Variants in DSCAML1 observed in about 807,000 individuals in gnomAD.
DSCAML1 encodes the protein DS cell adhesion molecule like 1.
Under a neutral mutation model 200.5 loss-of-function variants are expected in DSCAML1, and 38 were observed. The observed-to-expected ratio is 0.19, with a 90% CI of 0.15 to 0.25. The LOEUF (loss-of-function observed/expected upper bound fraction) is 0.25. Among genes scored for constraint, DSCAML1 ranks in the 10% least tolerant of loss-of-function variants. The pLI is 1.00. For missense variants in DSCAML1, 2,223 were observed against 2,858.8 expected (o/e 0.78, Z 5.07); for synonymous variants, 1,215 against 1,165.0 (o/e 1.04, Z -0.87).
chr11:117,777,532 A>G (rs1209623838), intron 2 of DSCAML1, among the ~76,000 whole-genome samples: 2 of 152,178 alleles, frequency 1.3e-5, no homozygotes, highest in Non-Finnish European at 2.9e-5. Context: ...TACAAGGACA[A>G]AGGGAGAGAA....
rs545909807 is a variant in DSCAML1, at chr11:117,616,801, A to C, written c.512-84279T>G. 2.0e-5 allele frequency among the ~76,000 whole-genome samples: 3 copies of C among 152,332 alleles called. No individual in the cohort carries two copies. In the South Asian group the frequency reaches 6.2e-4, roughly 32 times the overall value. On this transcript the variant is annotated intron_variant, in intron 3 of 32. Transcript: ENST00000651296. Reference sequence around the variant, plus strand: ...TCTGTGTCCTTTGACATGTATATTAAAACATTTATTAAAATAAACATTAAA... The same window carrying C: ...TCTGTGTCCTTTGACATGTATATTACAACATTTATTAAAATAAACATTAAA...
At chr11:117,755,769 G>T (rs2054678613) in intron 3 of DSCAML1, among the ~76,000 whole-genome samples, 1 of 152,144 alleles carries the variant, frequency 6.6e-6, no homozygotes, top group Non-Finnish European at 1.5e-5. Context: ...GAGTGTTGGG[G>T]CTGACACCAT....
chr11:117,470,340 C>T (rs951625378), intron 15 of DSCAML1, among the ~76,000 whole-genome samples: 1 of 152,260 alleles, frequency 6.6e-6, no homozygotes, highest in South Asian at 2.1e-4. Context: ...CTTTGGGAGG[C>T]CAAGGCGGGC....
intron 3 of DSCAML1, among the ~76,000 whole-genome samples, chr11:117,726,388 T>C (rs893424081): frequency 9.9e-5 from 15 of 152,034 alleles, no homozygotes; most frequent in Non-Finnish European, 1.6e-4. Flanking sequence ...TGGGGCAATT[T>C]GTTGTTGTTA....
At chr11:117,481,627 C>T (rs1342186968) in intron 12 of DSCAML1, among the ~76,000 whole-genome samples, 3 of 116,058 alleles carry the variant, frequency 2.6e-5, no homozygotes, top group Admixed American at 1.8e-4. Context: ...GGGGGGAGTC[C>T]AGGAGAGTGG....
At chr11:117,499,796 T>C (rs2049361398) in intron 11 of DSCAML1, among the ~76,000 whole-genome samples, 1 of 152,174 alleles carries the variant, frequency 6.6e-6, no homozygotes, top group Non-Finnish European at 1.5e-5. Context: ...ATCAAAGATG[T>C]CCAAGGACTT....
chr11:117,465,114 G>T lies in DSCAML1; in HGVS notation c.3093C>A (p.Pro1031=). The change falls in exon 17 of 33, where the codon CCC becomes CCA. Residue 1031 remains proline (P), a synonymous_variant. Coordinates refer to ENST00000651296, the MANE Select transcript of DSCAML1 (RefSeq NM_020693.4). ...GYQIGYRENS[P]GSNGQYSIVE... ...CGATGCTGTACTGCCCGTTGCTGCC[G>T]GGGCTGTTCTCTCTGTAGCCAATCT... 1 of 1,614,074 alleles carries T rather than the reference G, an allele frequency of 6.2e-7. No individual in the cohort carries two copies. The highest frequency in any genetic ancestry group is 8.5e-7 in the Non-Finnish European group (1 of 1,180,008).
At chr11:117,783,865 T>C (rs1395787237) in intron 1 of DSCAML1, among the ~76,000 whole-genome samples, 1 of 152,000 alleles carries the variant, frequency 6.6e-6, no homozygotes, top group Non-Finnish European at 1.5e-5. Context: ...CCACTCTCCT[T>C]CTCTCCTGGA....
intron 3 of DSCAML1, among the ~76,000 whole-genome samples, chr11:117,567,309 T>G (rs1041753673): frequency 6.6e-6 from 1 of 152,148 alleles, no homozygotes; most frequent in Non-Finnish European, 1.5e-5. Flanking sequence ...TGGTTTTGAT[T>G]TGCATTTCTC....
Position 117,444,965 on chromosome 11 carries a change from G to T in DSCAML1, c.3709-926C>A, listed in dbSNP as rs1050089888. Among the ~76,000 whole-genome samples the T allele has an allele frequency of 1.2e-4, 18 of 152,188 alleles. 1 individual carries two copies. Among genetic ancestry groups the T allele is most frequent in the African/African-American group, 4.3e-4 (18 of 41,462 alleles). ...CTTTGAAAACAGAGCGGAAGTCCAGGGAGGGAGAGCAGCCCCAGAACAGAT... is the reference window on the plus strand; with the variant it reads ...CTTTGAAAACAGAGCGGAAGTCCAGTGAGGGAGAGCAGCCCCAGAACAGAT... On this transcript the variant is annotated intron_variant, in intron 20 of 32. Transcript: ENST00000651296.
Position 117,738,119 on chromosome 11 carries a change from G to A in DSCAML1, c.511+38672C>T, listed in dbSNP as rs2054353650. The stretch of plus-strand genomic sequence containing the variant: ...GATGCTTACTGCTGAATGATTGTGT[G>A]TGTGTGTACATCTATATACAGATAC... On this transcript the variant is annotated intron_variant, in intron 3 of 32. Transcript: ENST00000651296. Among the ~76,000 whole-genome samples, 4 of 152,188 alleles carry A rather than the reference G, an allele frequency of 2.6e-5. No individual in the cohort carries two copies. In the South Asian group the frequency reaches 8.3e-4, roughly 32 times the overall value.
rs1054102362 is a variant in DSCAML1 at position 117,504,745 on chromosome 11, C to T, written c.2182+179G>A. 1.6e-4 allele frequency among the ~76,000 whole-genome samples: 24 copies of T among 152,090 alleles called. 2 individuals are homozygous for T. Among genetic ancestry groups the T allele is most frequent in the Admixed American group, 1.3e-3 (20 of 15,288 alleles). On this transcript the variant is annotated intron_variant, in intron 10 of 32. Coordinates refer to ENST00000651296, the MANE Select transcript of DSCAML1 (RefSeq NM_020693.4). The surrounding 1 kb of genome is among the most constrained non-coding windows in gnomAD (Gnocchi z 5.0). ...TGGCTGTTCCTGGTCCACAGACCCC[C>T]GGGGGTGGCTGAGGATGACTCCAGG...
intron 3 of DSCAML1, among the ~76,000 whole-genome samples, chr11:117,718,686 C>CCCCTTA (rs1565892873): frequency 1.5e-5 from 2 of 134,428 alleles, no homozygotes; most frequent in Admixed American, 7.9e-5. Context: ...CCCCCCCCAT[C>CCCCTTA]ATATGAGACC....
At chr11:117,587,838 C>T (rs1035152630) in intron 3 of DSCAML1, among the ~76,000 whole-genome samples, 1 of 152,172 alleles carries the variant, frequency 6.6e-6, no homozygotes, top group African/African-American at 2.4e-5. Flanking sequence ...TGAGCTCCCT[C>T]CCAGGGGTGT....
intron 3 of DSCAML1, among the ~76,000 whole-genome samples, chr11:117,584,001 G>C (rs973525821): frequency 9.2e-5 from 14 of 152,146 alleles, no homozygotes; most frequent in Non-Finnish European, 1.6e-4. Flanking sequence ...GCCTGCAGGG[G>C]GTCATCTCCT....
intron 3 of DSCAML1, among the ~76,000 whole-genome samples, chr11:117,640,208 C>T (rs1324210008): frequency 6.6e-6 from 1 of 152,214 alleles, no homozygotes; most frequent in Non-Finnish European, 1.5e-5. Flanking sequence ...CCACTTGCCA[C>T]TCCCACCTGG....
chr11:117,780,856 C>A lies in DSCAML1; in HGVS notation c.47-46G>T. 7.3e-7 allele frequency: 1 copy of A among 1,376,762 alleles called. No homozygotes were observed. The highest frequency in any genetic ancestry group is 9.4e-7 in the Non-Finnish European group (1 of 1,064,812). The allele number at this position is 1,376,762 out of a possible 1,614,324, so 85.3% of individuals were successfully genotyped here. A position where few individuals can be genotyped will look rare whatever the true frequency, so the allele number is the denominator to read the frequency against. On this transcript the variant is annotated intron_variant, in intron 1 of 32. Coordinates refer to ENST00000651296, the MANE Select transcript of DSCAML1 (RefSeq NM_020693.4). The surrounding 1 kb of genome is among the most constrained non-coding windows in gnomAD (Gnocchi z 4.8). ...GAGACTTGGTTAGCATGGGCTCTAA[C>A]AATACCCATATAAGCCACGGAGGCT...
rs531358733 is a variant in DSCAML1 at position 117,779,702 on chromosome 11, A to G, written c.364+791T>C. 7.2e-5 allele frequency among the ~76,000 whole-genome samples: 11 copies of G among 152,310 alleles called. 1 individual carries two copies. In the South Asian group the frequency reaches 1.2e-3, roughly 17 times the overall value. On this transcript the variant is annotated intron_variant, in intron 2 of 32. Transcript: ENST00000651296. ...ATACACCGTTGGACACCATTTGTATAAAGTTCATAAATAAGCAAAATATCT... is the reference window on the plus strand; with the variant it reads ...ATACACCGTTGGACACCATTTGTATGAAGTTCATAAATAAGCAAAATATCT...
chr11:117,581,577 T>C (rs1467716250), intron 3 of DSCAML1, among the ~76,000 whole-genome samples: 1 of 152,214 alleles, frequency 6.6e-6, no homozygotes, highest in Non-Finnish European at 1.5e-5. Flanking sequence ...TCTGGCTTCT[T>C]TCACTTAGTA....
Sources: gnomAD v4.1 joint callset for allele counts (sites outside exome capture counted in the v4.1 genomes callset) on GRCh38, gnomAD v4.1.1 for gene constraint, Gnocchi (gnomAD v3.1) non-coding constraint, MANE v1.5 for transcripts, NCBI Gene and HGNC (gene_info 2026-07-23, HGNC 2026-07-21) for gene names.